Variants in SGCZ observed in about 807,000 individuals in gnomAD.
The protein encoded by SGCZ is sarcoglycan zeta, also known as zeta-sarcoglycan.
SGCZ carries 40 observed loss-of-function variants against 41.3 expected under a neutral mutation model. That is an observed-to-expected ratio of 0.97 (90% CI 0.75 to 1.26). SGCZ has a LOEUF of 1.26. Ranked by LOEUF, SGCZ falls within the 50% of genes most tolerant of loss-of-function variation. The pLI is 0.00. For missense variants in SGCZ, 552 were observed against 369.8 expected, an observed-to-expected ratio of 1.49 and a Z score of -4.04; for synonymous variants, 206 against 137.5, an observed-to-expected ratio of 1.50 and a Z score of -3.49.
intron 1 of SGCZ, among the ~76,000 whole-genome samples, chr8:14,618,576 G>A (rs1393881681): frequency 1.3e-5 from 2 of 152,162 alleles, no homozygotes; most frequent in African/African-American, 2.4e-5. Context: ...GGCAGCCTAT[G>A]CAGTGTTTTG....
intron 1 of SGCZ, among the ~76,000 whole-genome samples, chr8:14,697,131 C>T (rs1808990623): frequency 6.6e-6 from 1 of 152,000 alleles, no homozygotes; most frequent in Non-Finnish European, 1.5e-5. Flanking sequence ...TATAACAAAA[C>T]ATTATATTCT....
intron 1 of SGCZ, among the ~76,000 whole-genome samples, chr8:15,172,430 G>A (rs1188891392): frequency 6.6e-6 from 1 of 151,932 alleles, no homozygotes; most frequent in Non-Finnish European, 1.5e-5. Context: ...AAAGTGCTGG[G>A]TCTATTTTTT....
chr8:14,905,855 G>C (rs1160232369), intron 1 of SGCZ, among the ~76,000 whole-genome samples: 1 of 150,712 alleles, frequency 6.6e-6, no homozygotes, highest in Non-Finnish European at 1.5e-5. Flanking sequence ...GAACACATAC[G>C]GAAAACAATA....
At chr8:14,922,504 G>C (rs977746813) in intron 1 of SGCZ, among the ~76,000 whole-genome samples, 11 of 151,906 alleles carry the variant, frequency 7.2e-5, no homozygotes, top group Non-Finnish European at 2.9e-5. Flanking sequence ...GCCCAGGCTG[G>C]AGTGCAATGG....
intron 3 of SGCZ, among the ~76,000 whole-genome samples, chr8:14,298,431 A>G (rs1368527102): frequency 6.6e-6 from 1 of 152,040 alleles, no homozygotes; most frequent in Non-Finnish European, 1.5e-5. Context: ...GATAATTTAC[A>G]GAAAAAATTT....
intron 2 of SGCZ, 54 bp downstream of exon 2, chr8:14,554,678 C>A: frequency 7.0e-7 from 1 of 1,435,776 alleles, no homozygotes; most frequent in Non-Finnish European, 9.5e-7. Flanking sequence ...AGTAACAGAG[C>A]TAGATTGTCT....
At chr8:14,407,684 G>A (rs1799248633) in intron 2 of SGCZ, among the ~76,000 whole-genome samples, 2 of 152,114 alleles carry the variant, frequency 1.3e-5, no homozygotes, top group Non-Finnish European at 2.9e-5. Flanking sequence ...GTTAAGAACT[G>A]AGAAAGGCTG....
At chr8:15,097,837 T>TGTGTATATATATATACAC (rs1563123920) in intron 1 of SGCZ, among the ~76,000 whole-genome samples, 5 of 8,398 alleles carry the variant, frequency 6.0e-4, no homozygotes, top group African/African-American at 1.4e-3. Context: ...TATATATACG[T>TGTGTATATATATATACAC]GTGTGTATAT....
chr8:14,514,592 AT>A (rs1312960533), intron 2 of SGCZ, among the ~76,000 whole-genome samples: 1 of 150,582 alleles, frequency 6.6e-6, no homozygotes, highest in African/African-American at 2.4e-5. Flanking sequence ...TATTACATTT[AT>A]ATAAATATAT....
intron 1 of SGCZ, among the ~76,000 whole-genome samples, chr8:14,808,227 A>C (rs927278642): frequency 1.3e-5 from 2 of 152,212 alleles, no homozygotes; most frequent in East Asian, 1.9e-4. Flanking sequence ...CAAAATTGAC[A>C]AATGGGATCT....
At chr8:14,190,254 C>A in intron 4 of SGCZ, among the ~76,000 whole-genome samples, 1 of 151,862 alleles carries the variant, frequency 6.6e-6, no homozygotes, top group East Asian at 1.9e-4. Context: ...CCTTGTGATC[C>A]GCCCACCTCG....
intron 1 of SGCZ, among the ~76,000 whole-genome samples, chr8:15,030,408 G>T (rs948323997): frequency 1.3e-5 from 2 of 152,040 alleles, no homozygotes; most frequent in African/African-American, 4.8e-5. Flanking sequence ...TACTAACTAT[G>T]TAATAATGTT....
chr8:15,044,403 T>A (rs777440965), intron 1 of SGCZ, among the ~76,000 whole-genome samples: 1 of 152,178 alleles, frequency 6.6e-6, no homozygotes, highest in Non-Finnish European at 1.5e-5. Flanking sequence ...TTGGCAGGCA[T>A]CCTGTATGCA....
chr8:15,151,621 A>G (rs1300971837), intron 1 of SGCZ, among the ~76,000 whole-genome samples: 2 of 152,246 alleles, frequency 1.3e-5, no homozygotes, highest in Admixed American at 6.5e-5. Flanking sequence ...TTTAAAGTAG[A>G]GAAATACTTC....
At chr8:14,516,957 A>C (rs938606769) in intron 2 of SGCZ, among the ~76,000 whole-genome samples, 7 of 152,064 alleles carry the variant, frequency 4.6e-5, no homozygotes, top group African/African-American at 2.4e-5. Context: ...AATTGCTATT[A>C]AAATTTAAGG....
chr8:14,783,095 G>A (rs1226051213), intron 1 of SGCZ, among the ~76,000 whole-genome samples: 1 of 152,066 alleles, frequency 6.6e-6, no homozygotes, highest in Non-Finnish European at 1.5e-5. Context: ...TCTAATCATA[G>A]AAAATTGCAA....
intron 1 of SGCZ, among the ~76,000 whole-genome samples, chr8:15,126,061 G>T (rs1363468521): frequency 6.6e-6 from 1 of 152,170 alleles, no homozygotes; most frequent in East Asian, 1.9e-4. Context: ...CAGGAAAATT[G>T]CTTGAACCCT....
intron 2 of SGCZ, among the ~76,000 whole-genome samples, chr8:14,475,040 C>G (rs1442382154): frequency 1.3e-5 from 2 of 152,056 alleles, no homozygotes; most frequent in Non-Finnish European, 2.9e-5. Flanking sequence ...GTGGACTTAT[C>G]CAATGAGTTA....
chr8:14,140,828 A>T (rs944961048), intron 5 of SGCZ, among the ~76,000 whole-genome samples: 7 of 151,980 alleles, frequency 4.6e-5, no homozygotes, highest in African/African-American at 1.7e-4. Flanking sequence ...CTACTTTAAA[A>T]TTCATATGGA....
Sources: gnomAD v4.1 joint callset for allele counts (sites outside exome capture counted in the v4.1 genomes callset) on GRCh38, gnomAD v4.1.1 for gene constraint, MANE v1.5 for transcripts, NCBI Gene and HGNC (gene_info 2026-07-23, HGNC 2026-07-21) for gene names.